Variants in PRELID2 observed in about 807,000 individuals in gnomAD.
PRELID2 encodes PRELI domain-containing protein 2.
A neutral mutation model predicts 28.4 loss-of-function variants in PRELID2; 25 were observed. That is an observed-to-expected ratio of 0.88 (90% CI 0.64 to 1.23). PRELID2 has a LOEUF of 1.23. Ranked by LOEUF, PRELID2 falls within the 50% of genes most tolerant of loss-of-function variation. The pLI is 0.00. For synonymous variants in PRELID2, 76 were observed against 71.6 expected (o/e 1.06, Z -0.31); for missense variants, 201 against 214.4 (o/e 0.94, Z 0.39).
the PRELID2 span, among the ~76,000 whole-genome samples, chr5:145,237,665 C>G: frequency 6.6e-6 from 1 of 152,076 alleles, no homozygotes; most frequent in African/African-American, 2.4e-5. Flanking sequence ...TTTCCTGGTT[C>G]CTTCTAAAGA....
chr5:145,773,637 T>C (rs999142159), intron 5 of PRELID2, among the ~76,000 whole-genome samples: 1 of 152,334 alleles, frequency 6.6e-6, no homozygotes, highest in East Asian at 1.9e-4. Context: ...AGTAAGGAAC[T>C]GTTTTAGTGG....
rs13355847 is a variant in PRELID2 at position 145,820,715 on chromosome 5, G to A, written c.134-697C>T. 7.0e-3 allele frequency among the ~76,000 whole-genome samples: 1,067 copies of A among 152,290 alleles called. 15 individuals are homozygous for A. The highest frequency in any genetic ancestry group is 0.024 in the African/African-American group (1,013 of 41,548). ...TCAGAAGAAGAAGGAATTCGACTGA[G>A]GGGCATAAGGCAGAAGGAGGGACCA... On this transcript the variant is annotated intron_variant, in intron 2 of 6. Transcript: ENST00000683046.
chr5:145,556,194 A>AG (rs1261224464), intron 1 of PRELID2, among the ~76,000 whole-genome samples: 2 of 145,746 alleles, frequency 1.4e-5, no homozygotes, highest in African/African-American at 2.8e-5. Flanking sequence ...AAAAAAAAAA[A>AG]AAAGAAAAGA....
At chr5:145,604,914 T>TTA (rs199722985) in intron 1 of PRELID2, among the ~76,000 whole-genome samples, 6,346 of 141,402 alleles carry the variant, frequency 0.045, 540 homozygotes, top group African/African-American at 0.16. Context: ...TTCTATTGAA[T>TTA]TATATATATA....
At chr5:145,358,920 G>A in the PRELID2 span, among the ~76,000 whole-genome samples, 2 of 152,182 alleles carry the variant, frequency 1.3e-5, no homozygotes, top group African/African-American at 4.8e-5. Flanking sequence ...ATTAAAGGAT[G>A]ATAGTACTAG....
the PRELID2 span, among the ~76,000 whole-genome samples, chr5:145,294,495 A>G: frequency 6.6e-6 from 1 of 152,196 alleles, no homozygotes; most frequent in African/African-American, 2.4e-5. Flanking sequence ...AAACAGTTCT[A>G]CAATTCCATT....
At chr5:145,698,062 GTAT>G (rs1335519736) in intron 1 of PRELID2, among the ~76,000 whole-genome samples, 1 of 151,762 alleles carries the variant, frequency 6.6e-6, no homozygotes, top group African/African-American at 2.4e-5. Context: ...AAGCTCTTTG[GTAT>G]TATTATTAAC....
chr5:145,690,877 T>C (rs990290836), intron 1 of PRELID2, among the ~76,000 whole-genome samples: 1 of 151,852 alleles, frequency 6.6e-6, no homozygotes, highest in African/African-American at 2.4e-5. Flanking sequence ...GAAATAACAA[T>C]ATTAAGCAAA....
the PRELID2 span, among the ~76,000 whole-genome samples, chr5:145,397,185 A>G: frequency 6.6e-6 from 1 of 152,234 alleles, no homozygotes; most frequent in Non-Finnish European, 1.5e-5. Flanking sequence ...CAGGTCCACA[A>G]GAATTCTAAG....
intron 6 of PRELID2, among the ~76,000 whole-genome samples, chr5:145,764,260 G>T (rs1460896235): frequency 1.3e-5 from 2 of 152,130 alleles, no homozygotes; most frequent in Non-Finnish European, 2.9e-5. Flanking sequence ...GGAGGTGGGG[G>T]TAGGGAGTTG....
At position 145,775,091 on chromosome 5, in the gene PRELID2, G is replaced by A. The variant is rs1040497501; in HGVS notation, c.475-10091C>T. Among the ~76,000 whole-genome samples, 8 of 151,934 alleles carry A rather than the reference G, an allele frequency of 5.3e-5. No homozygotes were observed. The South Asian group carries it at 6.2e-4, about 12-fold the overall frequency. On this transcript the variant is annotated intron_variant, in intron 5 of 6. Coordinates refer to ENST00000683046, the MANE Select transcript of PRELID2 (RefSeq NM_205846.3). ...CCCATCTCCACAAAAAATACAAAAC[G>A]TAGCCAGGCATGGTGATGTACGCCT...
chr5:145,775,486 G>T (rs1758354962), intron 5 of PRELID2, among the ~76,000 whole-genome samples: 1 of 152,056 alleles, frequency 6.6e-6, no homozygotes, highest in South Asian at 2.1e-4. Context: ...ATTGCCATAA[G>T]AAAAAAAGCA....
the PRELID2 span, among the ~76,000 whole-genome samples, chr5:145,410,221 T>C: frequency 1.2e-4 from 19 of 152,296 alleles, no homozygotes; most frequent in South Asian, 3.9e-3. Flanking sequence ...GAAAATAACA[T>C]GAGAAAATCT....
intron 1 of PRELID2, among the ~76,000 whole-genome samples, chr5:145,646,886 T>C (rs1036149581): frequency 2.0e-5 from 3 of 152,204 alleles, no homozygotes; most frequent in African/African-American, 7.2e-5. Context: ...TTCCTTCCTC[T>C]GGAAGCTTTG....
At chr5:145,739,631 G>A (rs755264278) in intron 1 of PRELID2, among the ~76,000 whole-genome samples, 133 of 80,134 alleles carry the variant, frequency 1.7e-3, no homozygotes, top group Middle Eastern at 6.8e-3. Context: ...GTAGAAAAAA[G>A]TTACAACATT....
chr5:145,343,152 C>A, the PRELID2 span, among the ~76,000 whole-genome samples: 1 of 151,808 alleles, frequency 6.6e-6, no homozygotes. Context: ...TGGAATTAAA[C>A]TTAATTTAGA....
intron 5 of PRELID2, 64 bp from the exon 6 acceptor site, chr5:145,765,064 C>T: frequency 1.7e-6 from 2 of 1,144,338 alleles, no homozygotes; most frequent in Non-Finnish European, 2.5e-6. Context: ...TTACATTTAT[C>T]ACAACCTTTT....
the PRELID2 span, among the ~76,000 whole-genome samples, chr5:145,412,115 C>T: frequency 6.6e-6 from 1 of 152,104 alleles, no homozygotes; most frequent in Admixed American, 6.5e-5. Flanking sequence ...TCTGACACGC[C>T]CTGGAGACAT....
At chr5:145,796,224 T>C in intron 5 of PRELID2, 1 of 372,254 alleles carries the variant, frequency 2.7e-6, no homozygotes, top group Non-Finnish European at 4.8e-6. Context: ...ATACTCTTCA[T>C]TGGCATATTT....
Sources: allele counts gnomAD v4.1 joint callset (sites outside exome capture counted in the v4.1 genomes callset), GRCh38; gene constraint gnomAD v4.1.1; transcripts MANE v1.5; gene names NCBI Gene and HGNC (gene_info 2026-07-23, HGNC 2026-07-21).